Variants in PCBP3 observed in about 807,000 individuals in gnomAD.
The protein encoded by PCBP3 is poly(rC) binding protein 3.
In PCBP3, 25 loss-of-function variants were observed where a neutral mutation model predicts 52.7. The ratio of observed to expected loss-of-function variants is 0.47; its 90% CI spans 0.35 to 0.66. The LOEUF (loss-of-function observed/expected upper bound fraction) is 0.66, where lower values mean the gene tolerates loss of function less well. PCBP3 is among the 30% of genes least tolerant of loss of function. The pLI is 0.01. For synonymous variants in PCBP3, 162 were observed against 183.0 expected (o/e 0.89, Z 0.93); for missense variants, 391 against 490.3 (o/e 0.80, Z 1.91).
At chr21:45,822,144 G>A (rs1451462971) in intron 4 of PCBP3, among the ~76,000 whole-genome samples, 2 of 152,156 alleles carry the variant, frequency 1.3e-5, no homozygotes, top group African/African-American at 2.4e-5. Context: ...TGTTCAGTGT[G>A]AGGCCATTTG....
chr21:45,700,982 A>G (rs1603286991), intron 2 of PCBP3, among the ~76,000 whole-genome samples: 1 of 152,236 alleles, frequency 6.6e-6, no homozygotes, highest in Non-Finnish European at 1.5e-5. Flanking sequence ...AGAACAGCAC[A>G]GTGTCCCCAC....
chr21:45,665,535 C>G (rs977815487), intron 1 of PCBP3, among the ~76,000 whole-genome samples: 1 of 152,124 alleles, frequency 6.6e-6, no homozygotes, highest in African/African-American at 2.4e-5. Flanking sequence ...AAGATCATAT[C>G]CAAACATACG....
At chr21:45,833,474 C>T (rs2093503306) in intron 4 of PCBP3, among the ~76,000 whole-genome samples, 1 of 152,242 alleles carries the variant, frequency 6.6e-6, no homozygotes, top group African/African-American at 2.4e-5. Flanking sequence ...CAGAACTTTC[C>T]CACGTTGGCC....
In PCBP3 at chr21:45,756,405, A is replaced by T. The variant is rs541204464; in HGVS notation, c.-126+953A>T. Among the ~76,000 whole-genome samples, 14 of 152,308 alleles carry T rather than the reference A, an allele frequency of 9.2e-5. No homozygotes were observed. The South Asian group carries it at 2.9e-3, about 32-fold the overall frequency. ...GGTCTTTTTCAAAATTGTTTTTCCT[A>T]TGAAGTCCTTTGCTTTGATTCTAAA... On this transcript the variant is annotated intron_variant, in intron 4 of 17. Coordinates refer to ENST00000681687, the MANE Select transcript of PCBP3 (RefSeq NM_001384156.1).
intron 1 of PCBP3, among the ~76,000 whole-genome samples, chr21:45,648,900 A>G (rs2079501074): frequency 6.6e-6 from 1 of 152,102 alleles, no homozygotes; most frequent in Non-Finnish European, 1.5e-5. Flanking sequence ...CCTGTTCTTT[A>G]TCCTTTTAAA....
At chr21:45,697,363 G>T (rs2082845715) in intron 2 of PCBP3, among the ~76,000 whole-genome samples, 1 of 152,152 alleles carries the variant, frequency 6.6e-6, no homozygotes, top group South Asian at 2.1e-4. Context: ...CTAAATTTAT[G>T]CTCCAGCACA....
chr21:45,927,622 C>G (rs758498683), intron 13 of PCBP3, among the ~76,000 whole-genome samples: 29 of 151,718 alleles, frequency 1.9e-4, no homozygotes, highest in Non-Finnish European at 3.4e-4. Context: ...AGTGCTAGTC[C>G]AGGCCTCCCT....
At chr21:45,860,392 A>G (rs2094464519) in intron 5 of PCBP3, among the ~76,000 whole-genome samples, 1 of 152,256 alleles carries the variant, frequency 6.6e-6, no homozygotes. Flanking sequence ...TATGGCTAAC[A>G]GCAGTTAGGA....
At chr21:45,940,751 C>G (rs188706248) in intron 17 of PCBP3, among the ~76,000 whole-genome samples, 3 of 98,356 alleles carry the variant, frequency 3.1e-5, no homozygotes, top group Non-Finnish European at 6.5e-5. Flanking sequence ...TACCACCAGT[C>G]CCCCCGCCAG....
intron 4 of PCBP3, among the ~76,000 whole-genome samples, chr21:45,808,255 G>C (rs1179052510): frequency 6.6e-6 from 1 of 152,100 alleles, no homozygotes; most frequent in African/African-American, 2.4e-5. Flanking sequence ...GAGTGATCAG[G>C]CAGCCTACAT....
chr21:45,885,854 G>A (rs2148846978), intron 5 of PCBP3, among the ~76,000 whole-genome samples: 1 of 152,352 alleles, frequency 6.6e-6, no homozygotes, highest in South Asian at 2.1e-4. Flanking sequence ...GATTCCGACA[G>A]CTCTGTCATC....
chr21:45,738,942 C>T lies in PCBP3; in HGVS notation c.-162+3513C>T, dbSNP rs2086121192. Among the ~76,000 whole-genome samples, 3 of 130,122 alleles carry T rather than the reference C, an allele frequency of 2.3e-5. No individual in the cohort carries two copies. The South Asian group carries it at 9.2e-4, about 40-fold the overall frequency. The allele number at this position is 130,122 out of a possible 152,430, so 85.4% of individuals were successfully genotyped here. A position where few individuals can be genotyped will look rare whatever the true frequency, so the allele number is the denominator to read the frequency against. On this transcript the variant is annotated intron_variant, in intron 3 of 17. Coordinates refer to ENST00000681687, the MANE Select transcript of PCBP3 (RefSeq NM_001384156.1). ...TGGCCCCCCCATCTTCATCAGCCCA[C>T]CCCTTCCTGTCCACGGTCCTCTGGG...
At chr21:45,721,446 AGG>A (rs1341131346) in intron 2 of PCBP3, among the ~76,000 whole-genome samples, 1 of 150,470 alleles carries the variant, frequency 6.6e-6, no homozygotes, top group Admixed American at 6.6e-5. Flanking sequence ...TCTTGGCTGC[AGG>A]GCTGACCGTG....
intron 14 of PCBP3, 27 bp from the exon 15 acceptor site, chr21:45,930,756 CATT>C: frequency 9.7e-7 from 1 of 1,031,382 alleles, no homozygotes. Context: ...GAGGGCAAAA[CATT>C]AAACCTGTCT....
At chr21:45,728,320 G>T (rs1304977842) in intron 2 of PCBP3, among the ~76,000 whole-genome samples, 1 of 152,092 alleles carries the variant, frequency 6.6e-6, no homozygotes, top group Non-Finnish European at 1.5e-5. Flanking sequence ...TTTGTCAAAT[G>T]TTTTCTCTGT....
intron 13 of PCBP3, among the ~76,000 whole-genome samples, chr21:45,926,442 CAGGCAGGTCCCGCAGG>C (rs2075419739): frequency 6.6e-6 from 1 of 152,232 alleles, no homozygotes. Context: ...AAAACAGCCT[CAGGCAGGTCCCGCAGG>C]AGGTGTCCAG....
At chr21:45,662,346 C>T (rs1291845633) in intron 1 of PCBP3, among the ~76,000 whole-genome samples, 1 of 131,430 alleles carries the variant, frequency 7.6e-6, no homozygotes, top group Non-Finnish European at 1.5e-5. Context: ...GTCCTGAGCT[C>T]CTGGGCTCAA....
intron 4 of PCBP3, among the ~76,000 whole-genome samples, chr21:45,779,808 C>T (rs569688872): frequency 3.3e-5 from 5 of 152,232 alleles, no homozygotes; most frequent in Admixed American, 6.5e-5. Context: ...AATGAACTCC[C>T]AATCAAAGTC....
At chr21:45,923,521 C>G (rs1439774900) in intron 13 of PCBP3, among the ~76,000 whole-genome samples, 1 of 152,180 alleles carries the variant, frequency 6.6e-6, no homozygotes, top group East Asian at 1.9e-4. Flanking sequence ...TGCTGTTCCT[C>G]CCAGCTTGCC....
Sources: gnomAD v4.1 joint callset for allele counts (sites outside exome capture counted in the v4.1 genomes callset) on GRCh38, gnomAD v4.1.1 for gene constraint, MANE v1.5 for transcripts, NCBI Gene and HGNC (gene_info 2026-07-23, HGNC 2026-07-21) for gene names.